The following PARD3 variants were observed in gnomAD, a reference collection of about 807,000 sequenced individuals.
PARD3 encodes the protein partitioning defective 3 homolog.
Under a neutral mutation model 155.4 loss-of-function variants are expected in PARD3, and 75 were observed. The ratio of observed to expected loss-of-function variants is 0.48; its 90% confidence interval spans 0.40 to 0.58. The LOEUF (loss-of-function observed/expected upper bound fraction) is 0.58. PARD3 is among the 20% of genes least tolerant of loss of function. The probability of loss-of-function intolerance (pLI) is 0.00; values close to 1 mark genes in which losing one functional copy is unlikely to be tolerated. For missense variants in PARD3, 1,642 were observed against 1,721.7 expected, an observed-to-expected ratio of 0.95 and a Z score of 0.82; for synonymous variants, 576 against 610.5, an observed-to-expected ratio of 0.94 and a Z score of 0.83.
At chr10:34,224,584 T>C (rs1398408673) in intron 22 of PARD3, among the ~76,000 whole-genome samples, 3 of 152,222 alleles carry the variant, frequency 2.0e-5, no homozygotes, top group African/African-American at 7.2e-5. Context: ...GCACTGGTTG[T>C]TGTCACACCT....
intron 1 of PARD3, among the ~76,000 whole-genome samples, chr10:34,809,168 TC>T (rs1290883342): frequency 1.3e-5 from 2 of 152,208 alleles, no homozygotes; most frequent in Admixed American, 6.5e-5. Flanking sequence ...AACCTTAAAG[TC>T]CTTTAAATTC....
At chr10:34,334,725 T>A (rs1835972919) in intron 18 of PARD3, among the ~76,000 whole-genome samples, 1 of 139,934 alleles carries the variant, frequency 7.1e-6, no homozygotes, top group Non-Finnish European at 1.6e-5. Flanking sequence ...TAGAATAGAC[T>A]GCACAAAGTG....
At chr10:34,194,863 T>C (rs1310312390) in intron 22 of PARD3, among the ~76,000 whole-genome samples, 2 of 152,202 alleles carry the variant, frequency 1.3e-5, no homozygotes, top group Non-Finnish European at 1.5e-5. Context: ...ACTTAAACTA[T>C]ATAGCTGAGG....
chr10:34,804,887 A>T (rs1053376670), intron 1 of PARD3, among the ~76,000 whole-genome samples: 2 of 152,224 alleles, frequency 1.3e-5, no homozygotes, highest in Admixed American at 6.5e-5. Flanking sequence ...ATTAATACAC[A>T]TCTTTTGATT....
At chr10:34,700,257 C>T (rs1178955901) in intron 1 of PARD3, among the ~76,000 whole-genome samples, 1 of 152,012 alleles carries the variant, frequency 6.6e-6, no homozygotes, top group East Asian at 1.9e-4. Flanking sequence ...TAAAGAACAT[C>T]AACTTCACCT....
At chr10:34,405,833 C>A (rs147266870) in intron 5 of PARD3, among the ~76,000 whole-genome samples, 1 of 152,188 alleles carries the variant, frequency 6.6e-6, no homozygotes, top group Non-Finnish European at 1.5e-5. Context: ...GGGACACTGG[C>A]ACACACAGAA....
chr10:34,167,113 G>T (rs1016060011), intron 22 of PARD3, among the ~76,000 whole-genome samples: 1 of 152,142 alleles, frequency 6.6e-6, no homozygotes, highest in Admixed American at 6.5e-5. Context: ...TGCCGCTTAC[G>T]GGCCTGGGTC....
At chr10:34,768,343 GAAAGGCGGGATAACTCGAAGC>G (rs982738929) in intron 1 of PARD3, among the ~76,000 whole-genome samples, 12 of 88,506 alleles carry the variant, frequency 1.4e-4, no homozygotes, top group Non-Finnish European at 2.4e-4. Flanking sequence ...GTTCCATCTG[GAAAGGCGGGATAACTCGAAGC>G]AAAGGCGGGA....
intron 1 of PARD3, among the ~76,000 whole-genome samples, chr10:34,715,754 CACGGA>C (rs1480835661): frequency 6.6e-6 from 1 of 152,194 alleles, no homozygotes; most frequent in Non-Finnish European, 1.5e-5. Context: ...ATGTGGCAGG[CACGGA>C]ACAAGATGCA....
intron 2 of PARD3, among the ~76,000 whole-genome samples, chr10:34,618,064 T>C (rs2091386207): frequency 6.6e-6 from 1 of 152,194 alleles, no homozygotes; most frequent in Non-Finnish European, 1.5e-5. Context: ...AACTATGACC[T>C]TTCTAAACTA....
At chr10:34,232,707 T>C (rs921964561) in intron 22 of PARD3, among the ~76,000 whole-genome samples, 1 of 152,122 alleles carries the variant, frequency 6.6e-6, no homozygotes, top group East Asian at 1.9e-4. Context: ...AATGTTTTCC[T>C]TTTTTCTTTT....
At chr10:34,620,991 T>C (rs1242060149) in intron 2 of PARD3, among the ~76,000 whole-genome samples, 1 of 152,214 alleles carries the variant, frequency 6.6e-6, no homozygotes, top group Non-Finnish European at 1.5e-5. Flanking sequence ...AATTGCCACA[T>C]ACAAAAATGG....
chr10:34,169,272 CAAG>C (rs1457502902), intron 22 of PARD3, among the ~76,000 whole-genome samples: 2 of 152,042 alleles, frequency 1.3e-5, no homozygotes, highest in Non-Finnish European at 2.9e-5. Context: ...TACAATTGCA[CAAG>C]AAGATAAAAT....
intron 2 of PARD3, among the ~76,000 whole-genome samples, chr10:34,629,695 G>C (rs1342250602): frequency 1.3e-5 from 2 of 152,146 alleles, no homozygotes; most frequent in African/African-American, 4.8e-5. Flanking sequence ...TAAAATGTTT[G>C]AGATAAAACA....
chr10:34,694,388 G>A (rs2094126454), intron 2 of PARD3, among the ~76,000 whole-genome samples: 1 of 150,670 alleles, frequency 6.6e-6, no homozygotes, highest in Non-Finnish European at 1.5e-5. Flanking sequence ...GTTACCCTAA[G>A]CCTGGCTCAC....
intron 3 of PARD3, among the ~76,000 whole-genome samples, chr10:34,486,952 TTC>T (rs2079517384): frequency 6.6e-6 from 1 of 152,128 alleles, no homozygotes; most frequent in African/African-American, 2.4e-5. Flanking sequence ...GCTTGATTTA[TTC>T]TCTCTCTCCA....
At chr10:34,286,436 C>T (rs531472883) in intron 20 of PARD3, among the ~76,000 whole-genome samples, 2 of 152,298 alleles carry the variant, frequency 1.3e-5, no homozygotes, top group Middle Eastern at 3.4e-3. Context: ...CCAGGACTGA[C>T]GGGGAGGGTG....
intron 2 of PARD3, among the ~76,000 whole-genome samples, chr10:34,600,279 T>C (rs910734127): frequency 2.6e-5 from 4 of 151,818 alleles, no homozygotes; most frequent in Admixed American, 2.0e-4. Flanking sequence ...TGGGAGATGG[T>C]GGTTGCAGTG....
intron 2 of PARD3, among the ~76,000 whole-genome samples, chr10:34,568,967 G>C (rs2086172543): frequency 6.6e-6 from 1 of 152,006 alleles, no homozygotes; most frequent in Admixed American, 6.6e-5. Context: ...CACTCACTAA[G>C]GTTATTGATA....
Sources: gnomAD v4.1 joint callset for allele counts (sites outside exome capture counted in the v4.1 genomes callset) on GRCh38, gnomAD v4.1.1 for gene constraint, MANE v1.5 for transcripts, NCBI Gene and HGNC (gene_info 2026-07-23, HGNC 2026-07-21) for gene names.